FRMPD4: variants seen among roughly 807,000 people sequenced by gnomAD.
FRMPD4 encodes the protein FERM and PDZ domain-containing protein 4.
Under a neutral mutation model 94.1 loss-of-function variants are expected in FRMPD4, and 22 were observed. The ratio of observed to expected loss-of-function variants is 0.23; its 90% CI spans 0.17 to 0.33. FRMPD4 has a LOEUF of 0.33. Ranked by LOEUF, FRMPD4 falls within the 10% of genes least tolerant of loss-of-function variation. The pLI, the probability that FRMPD4 is intolerant of heterozygous loss-of-function variation, is 1.00. For synonymous variants in FRMPD4, 631 were observed against 548.6 expected (o/e 1.15, Z -2.10); for missense variants, 1,111 against 1,339.9 (o/e 0.83, Z 2.67).
At chrX:12,147,609 C>T (rs1221317507) in intron 1 of FRMPD4, among the ~76,000 whole-genome samples, 1 of 111,512 alleles carries the variant, frequency 9.0e-6, no homozygotes, top group Admixed American at 9.5e-5. Flanking sequence ...CATTTATGAA[C>T]TCTTCAAGGG....
At chrX:12,004,476 G>A (rs1395052113) in intron 3 of FRMPD4, among the ~76,000 whole-genome samples, 1 of 111,477 alleles carries the variant, frequency 9.0e-6, no homozygotes, top group Non-Finnish European at 1.9e-5. Context: ...AGCCTGGCCT[G>A]GCTCAACTCA....
chrX:12,138,593 G>A lies in FRMPD4; in HGVS notation c.-379G>A. On this transcript the variant is annotated 5_prime_UTR_variant, in exon 1 of 17. Transcript: ENST00000675598. ...CCGAGGGCCGGGAAGCCAGAGCAGC[G>A]CCTCTCGCCCAGGCCTCGCTTTCTC... is the stretch of plus-strand genomic sequence containing the variant. 2 of 275,868 alleles carry A rather than the reference G, an allele frequency of 7.2e-6. No individual in the cohort carries two copies. The highest frequency in any genetic ancestry group is 5.2e-5 in the East Asian group (1 of 19,071). The allele number at this position is 275,868 out of a possible 1,213,427, so 22.7% of individuals were successfully genotyped here.
chrX:12,208,275 T>C (rs2056715703), intron 1 of FRMPD4, among the ~76,000 whole-genome samples: 1 of 109,010 alleles, frequency 9.2e-6, no homozygotes, highest in African/African-American at 3.3e-5. Context: ...TATAATCAAG[T>C]AGAAAATCAA....
chrX:11,893,889 C>T (rs2053888596), intron 3 of FRMPD4, among the ~76,000 whole-genome samples: 1 of 111,703 alleles, frequency 9.0e-6, no homozygotes, highest in South Asian at 3.8e-4. Context: ...CATCTTGCCC[C>T]AATTATTCAA....
At chrX:11,891,982 T>C (rs977316058) in intron 3 of FRMPD4, among the ~76,000 whole-genome samples, 4 of 112,336 alleles carry the variant, frequency 3.6e-5, no homozygotes, top group African/African-American at 1.3e-4. Context: ...AATTCTCAAA[T>C]ATCCTAACAG....
intron 1 of FRMPD4, among the ~76,000 whole-genome samples, chrX:12,454,795 GT>G (rs1282741193): frequency 2.1e-5 from 2 of 97,054 alleles, no homozygotes; most frequent in Admixed American, 2.4e-4. Context: ...AAAGCATGAG[GT>G]TTGGAGTTAG....
At chrX:12,280,048 C>T (rs1346374839) in intron 1 of FRMPD4, among the ~76,000 whole-genome samples, 1 of 110,560 alleles carries the variant, frequency 9.0e-6, no homozygotes, top group African/African-American at 3.3e-5. Flanking sequence ...GGAAAATATG[C>T]AGTACATTGG....
chrX:12,434,549 C>G (rs1380472288), intron 1 of FRMPD4, among the ~76,000 whole-genome samples: 1 of 112,584 alleles, frequency 8.9e-6, no homozygotes, highest in Non-Finnish European at 1.9e-5. Context: ...CAGGAAACTT[C>G]CACTCGAGGC....
At chrX:11,885,619 T>C (rs1160498102) in intron 3 of FRMPD4, among the ~76,000 whole-genome samples, 1 of 111,524 alleles carries the variant, frequency 9.0e-6, no homozygotes, top group Admixed American at 9.5e-5. Context: ...TTGGTGTACC[T>C]ACCACCAATA....
At chrX:12,508,991 CAAAAA>C (rs770698547) in intron 2 of FRMPD4, among the ~76,000 whole-genome samples, 6 of 30,536 alleles carry the variant, frequency 2.0e-4, no homozygotes, top group East Asian at 2.9e-3. Flanking sequence ...GACTCTGTCT[CAAAAA>C]AAAAAAAAAA....
chrX:12,568,408 T>G (rs964373640), intron 2 of FRMPD4, among the ~76,000 whole-genome samples: 1 of 112,606 alleles, frequency 8.9e-6, no homozygotes, highest in Non-Finnish European at 1.9e-5. Context: ...ATAAAATATT[T>G]TCATTACATA....
At chrX:12,321,168 T>C (rs1270716899) in intron 1 of FRMPD4, among the ~76,000 whole-genome samples, 2 of 112,488 alleles carry the variant, frequency 1.8e-5, no homozygotes, top group Non-Finnish European at 3.8e-5. Flanking sequence ...AGATAACAAA[T>C]GTATCCAGCA....
At chrX:12,421,891 T>A (rs1361120137) in intron 1 of FRMPD4, among the ~76,000 whole-genome samples, 2 of 111,197 alleles carry the variant, frequency 1.8e-5, no homozygotes, top group East Asian at 5.6e-4. Flanking sequence ...CTTGGATATC[T>A]TCTTGCTGTC....
intron 1 of FRMPD4, among the ~76,000 whole-genome samples, chrX:12,184,321 C>T (rs1373736347): frequency 9.0e-6 from 1 of 111,341 alleles, no homozygotes; most frequent in Non-Finnish European, 1.9e-5. Context: ...CATTGAGCCA[C>T]CTGAGAATTC....
intron 2 of FRMPD4, among the ~76,000 whole-genome samples, chrX:12,519,328 G>T (rs1602061338): frequency 8.9e-6 from 1 of 112,394 alleles, no homozygotes; most frequent in East Asian, 2.8e-4. Context: ...AAAACAGTGT[G>T]ATAGTGGTAT....
At chrX:12,234,866 A>T (rs2057054355) in intron 1 of FRMPD4, among the ~76,000 whole-genome samples, 2 of 111,736 alleles carry the variant, frequency 1.8e-5, no homozygotes, top group African/African-American at 6.5e-5. Flanking sequence ...AGGAGTGAAA[A>T]CAGCCTCTAA....
At chrX:12,171,102 CT>C (rs2056213182) in intron 1 of FRMPD4, among the ~76,000 whole-genome samples, 1 of 112,735 alleles carries the variant, frequency 8.9e-6, no homozygotes, top group African/African-American at 3.2e-5. Context: ...CTAGAAACCA[CT>C]TTTTATTTCC....
chrX:12,293,266 G>C (rs1245063750), intron 1 of FRMPD4, among the ~76,000 whole-genome samples: 3 of 112,309 alleles, frequency 2.7e-5, no homozygotes, highest in African/African-American at 9.7e-5. Context: ...TCCACTTGCT[G>C]TGTTGCAATT....
chrX:12,535,235 A>G (rs559997592), intron 2 of FRMPD4, among the ~76,000 whole-genome samples: 23 of 111,581 alleles, frequency 2.1e-4, no homozygotes, highest in African/African-American at 7.5e-4. Flanking sequence ...ACCTTCCATC[A>G]TTATTGTGAG....
Sources: allele counts gnomAD v4.1 joint callset (sites outside exome capture counted in the v4.1 genomes callset), GRCh38; gene constraint gnomAD v4.1.1; transcripts MANE v1.5; gene names NCBI Gene and HGNC (gene_info 2026-07-23, HGNC 2026-07-21).